The following ADGRL3 variants were observed in gnomAD, a reference collection of about 807,000 sequenced individuals.
ADGRL3 encodes calcium-independent alpha-latrotoxin receptor 3.
In ADGRL3, 62 loss-of-function variants were observed where a neutral mutation model predicts 153.5. The ratio of observed to expected loss-of-function variants is 0.40; its 90% CI spans 0.33 to 0.50. The LOEUF (loss-of-function observed/expected upper bound fraction) is 0.50. Ranked by LOEUF, ADGRL3 falls within the 20% of genes least tolerant of loss-of-function variation. The pLI is 0.47. For missense variants in ADGRL3, 1,641 were observed against 1,859.4 expected (o/e 0.88, Z 2.16); for synonymous variants, 710 against 672.5 (o/e 1.06, Z -0.86).
At chr4:62,011,292 T>C (rs889615357) in intron 21 of ADGRL3, among the ~76,000 whole-genome samples, 1 of 152,096 alleles carries the variant, frequency 6.6e-6, no homozygotes, top group African/African-American at 2.4e-5. Flanking sequence ...AGGAACACAA[T>C]TAAACTTGGG....
At chr4:61,925,112 T>G (rs1207118867) in intron 13 of ADGRL3, among the ~76,000 whole-genome samples, 2 of 152,184 alleles carry the variant, frequency 1.3e-5, no homozygotes, top group Non-Finnish European at 1.5e-5. Flanking sequence ...CTCTGTGGTT[T>G]TCTTTTTCGT....
At chr4:61,897,097 G>C (rs2098636021) in intron 11 of ADGRL3, among the ~76,000 whole-genome samples, 1 of 152,124 alleles carries the variant, frequency 6.6e-6, no homozygotes, top group Non-Finnish European at 1.5e-5. Flanking sequence ...CTGCAGCCCA[G>C]CTAATCTTAG....
At chr4:61,850,557 C>A (rs984843889) in intron 9 of ADGRL3, among the ~76,000 whole-genome samples, 3 of 152,036 alleles carry the variant, frequency 2.0e-5, no homozygotes, top group African/African-American at 7.2e-5. Context: ...TTCTGTAGGC[C>A]AAAGAGCTCA....
intron 1 of ADGRL3, among the ~76,000 whole-genome samples, chr4:61,319,360 GC>G (rs1470828643): frequency 4.6e-5 from 7 of 152,064 alleles, no homozygotes; most frequent in African/African-American, 1.7e-4. Flanking sequence ...TGCCCCATAT[GC>G]CCAAGATACT....
intron 9 of ADGRL3, among the ~76,000 whole-genome samples, chr4:61,890,758 C>A (rs867264690): frequency 6.6e-6 from 1 of 152,126 alleles, no homozygotes; most frequent in Non-Finnish European, 1.5e-5. Context: ...GCATTCCCCA[C>A]GTAGTATGAT....
At position 61,220,814 on chromosome 4, in the gene ADGRL3, G is replaced by T. The variant is rs1431841644; in HGVS notation, c.-240+19049G>T. ...GGAATGATTATCTAGCAATTCGTGAGATACAAATGGAAGCCTGAATACTTA... is the reference window on the plus strand; with the variant it reads ...GGAATGATTATCTAGCAATTCGTGATATACAAATGGAAGCCTGAATACTTA... On this transcript the variant is annotated intron_variant, in intron 1 of 26. Coordinates refer to ENST00000683033, the MANE Select transcript of ADGRL3 (RefSeq NM_001387552.1). Among the ~76,000 whole-genome samples the T allele has an allele frequency of 2.0e-5, 3 of 152,184 alleles. No individual in the cohort carries two copies. In the South Asian group the frequency reaches 6.2e-4, roughly 32 times the overall value.
At chr4:61,292,585 C>T (rs1417183191) in intron 1 of ADGRL3, among the ~76,000 whole-genome samples, 1 of 152,126 alleles carries the variant, frequency 6.6e-6, no homozygotes, top group Non-Finnish European at 1.5e-5. Flanking sequence ...GCCAACAGTG[C>T]ATATGACTGT....
intron 1 of ADGRL3, among the ~76,000 whole-genome samples, chr4:61,279,285 C>A (rs1287829169): frequency 6.6e-6 from 1 of 152,076 alleles, no homozygotes; most frequent in Non-Finnish European, 1.5e-5. Flanking sequence ...ATTGACATTT[C>A]TGAGTAGTAT....
At chr4:61,832,012 C>T (rs988907305) in intron 9 of ADGRL3, among the ~76,000 whole-genome samples, 4 of 152,104 alleles carry the variant, frequency 2.6e-5, no homozygotes, top group Admixed American at 6.6e-5. Flanking sequence ...AGAGCCTGTT[C>T]TAAACCACCA....
intron 5 of ADGRL3, among the ~76,000 whole-genome samples, chr4:61,624,172 A>T (rs2092696191): frequency 6.6e-6 from 1 of 152,168 alleles, no homozygotes; most frequent in Non-Finnish European, 1.5e-5. Context: ...TTCATTTTTA[A>T]GGAAATGAAT....
intron 21 of ADGRL3, among the ~76,000 whole-genome samples, chr4:62,003,231 C>G (rs1161659624): frequency 6.6e-6 from 1 of 152,102 alleles, no homozygotes; most frequent in African/African-American, 2.4e-5. Context: ...CTTATGATGT[C>G]ACCGGGTCAT....
intron 9 of ADGRL3, among the ~76,000 whole-genome samples, chr4:61,891,056 T>C (rs1393070607): frequency 1.3e-5 from 2 of 152,214 alleles, no homozygotes; most frequent in African/African-American, 2.4e-5. Flanking sequence ...GATTGTGTTA[T>C]ATGTTCAGTG....
At chr4:61,235,513 C>T (rs1458342430) in intron 1 of ADGRL3, among the ~76,000 whole-genome samples, 1 of 152,062 alleles carries the variant, frequency 6.6e-6, no homozygotes, top group Admixed American at 6.6e-5. Flanking sequence ...AAGTACAAAT[C>T]CCGTAAACAA....
chr4:62,045,660 C>G (rs1264155934), intron 25 of ADGRL3, among the ~76,000 whole-genome samples: 2 of 151,828 alleles, frequency 1.3e-5, no homozygotes, highest in Admixed American at 6.6e-5. Context: ...GAATTTGATG[C>G]AGGGATCCAT....
intron 1 of ADGRL3, among the ~76,000 whole-genome samples, chr4:61,337,184 G>T (rs1172589385): frequency 1.3e-5 from 2 of 152,040 alleles, no homozygotes; most frequent in African/African-American, 4.8e-5. Flanking sequence ...AGAATTCTTA[G>T]CTCTGAACTC....
At chr4:61,893,735 C>T (rs1448715575) in intron 10 of ADGRL3, among the ~76,000 whole-genome samples, 7 of 98,976 alleles carry the variant, frequency 7.1e-5, no homozygotes, top group African/African-American at 1.7e-4. Context: ...TTTTTTGAGA[C>T]GGAGTCTCAC....
Position 61,982,337 on chromosome 4 carries a change from C to T in ADGRL3, c.3016-1046C>T, listed in dbSNP as rs575551408. 1.4e-4 allele frequency among the ~76,000 whole-genome samples: 22 copies of T among 152,282 alleles called. 2 individuals are homozygous for T. In the South Asian group the frequency reaches 4.4e-3, roughly 30 times the overall value. On this transcript the variant is annotated intron_variant, in intron 18 of 26. Coordinates refer to ENST00000683033, the MANE Select transcript of ADGRL3 (RefSeq NM_001387552.1). ...CTCCTTGCTAGCGAGGTATCCTTTT[C>T]TGCACTCCACATAGTGTTTAGGACC...
intron 1 of ADGRL3, among the ~76,000 whole-genome samples, chr4:61,219,964 C>T (rs956665078): frequency 2.4e-4 from 36 of 151,900 alleles, no homozygotes; most frequent in Non-Finnish European, 2.8e-4. Context: ...AAAAATTAGG[C>T]GGGCGTGGTG....
At chr4:61,329,864 G>C (rs559278689) in intron 1 of ADGRL3, among the ~76,000 whole-genome samples, 19 of 152,270 alleles carry the variant, frequency 1.2e-4, no homozygotes, top group Admixed American at 8.5e-4. Flanking sequence ...AGTTGTATGA[G>C]CAAATAGGGG....
Sources: allele counts gnomAD v4.1 joint callset (sites outside exome capture counted in the v4.1 genomes callset), GRCh38; gene constraint gnomAD v4.1.1; transcripts MANE v1.5; gene names NCBI Gene and HGNC (gene_info 2026-07-23, HGNC 2026-07-21).